LRRC69: variants seen among roughly 807,000 people sequenced by gnomAD.
LRRC69 encodes leucine-rich repeat-containing protein 69.
Under a neutral mutation model 37.8 loss-of-function variants are expected in LRRC69, and 42 were observed. That is an observed-to-expected ratio of 1.11 (90% CI 0.87 to 1.44). LRRC69 has a LOEUF of 1.44. LRRC69 is among the 40% of genes most tolerant of loss of function. The probability of loss-of-function intolerance (pLI) is 0.00; values close to 1 mark genes in which losing one functional copy is unlikely to be tolerated. For missense variants in LRRC69, 357 were observed against 401.9 expected (o/e 0.89, Z 0.96); for synonymous variants, 141 against 143.1 (o/e 0.99, Z 0.11).
intron 1 of LRRC69, among the ~76,000 whole-genome samples, chr8:91,121,772 A>AATTGC (rs1813626253): frequency 6.6e-6 from 1 of 152,088 alleles, no homozygotes; most frequent in African/African-American, 2.4e-5. Context: ...AATATTTTTT[A>AATTGC]ATGAGTGAAT....
At chr8:91,185,280 G>C (rs1368488454) in intron 5 of LRRC69, among the ~76,000 whole-genome samples, 1 of 152,110 alleles carries the variant, frequency 6.6e-6, no homozygotes. Context: ...TGGGCTTGGG[G>C]GCCTTCATCT....
At chr8:91,105,981 G>C (rs558818106) in intron 1 of LRRC69, among the ~76,000 whole-genome samples, 15 of 152,014 alleles carry the variant, frequency 9.9e-5, no homozygotes, top group Admixed American at 4.6e-4. Context: ...AAAATAGGGC[G>C]TGAGGCGGTG....
intron 5 of LRRC69, among the ~76,000 whole-genome samples, chr8:91,150,384 C>T (rs1422941224): frequency 2.0e-5 from 3 of 151,928 alleles, no homozygotes; most frequent in East Asian, 1.9e-4. Context: ...TGCTGGATTA[C>T]GTTTATTGAT....
chr8:91,202,533 G>A (rs1342037014), intron 7 of LRRC69, among the ~76,000 whole-genome samples: 1 of 152,178 alleles, frequency 6.6e-6, no homozygotes, highest in East Asian at 1.9e-4. Flanking sequence ...CACCTCAAAG[G>A]TAAAGAAGGT....
chr8:91,188,835 G>GT (rs575348391), intron 5 of LRRC69, among the ~76,000 whole-genome samples: 2,551 of 139,054 alleles, frequency 0.018, 25 homozygotes, highest in East Asian at 0.086. Flanking sequence ...TCCGTCTTCT[G>GT]TTTTTTTTTT....
At chr8:91,105,664 A>AC (rs1403475059) in intron 1 of LRRC69, among the ~76,000 whole-genome samples, 1 of 151,276 alleles carries the variant, frequency 6.6e-6, no homozygotes, top group Non-Finnish European at 1.5e-5. Context: ...TGTCTCAAAA[A>AC]AAAAAAAAAA....
intron 7 of LRRC69, among the ~76,000 whole-genome samples, chr8:91,214,335 T>A (rs983940415): frequency 1.1e-4 from 16 of 152,158 alleles, no homozygotes; most frequent in Non-Finnish European, 1.8e-4. Context: ...ATAATTCAAG[T>A]GAATACGTTT....
intron 7 of LRRC69, among the ~76,000 whole-genome samples, chr8:91,214,893 C>T (rs907908033): frequency 1.3e-5 from 2 of 151,750 alleles, no homozygotes; most frequent in African/African-American, 4.8e-5. Context: ...GGCTGGGTTT[C>T]CATCTGGAGG....
chr8:91,170,304 T>G (rs367697154), intron 5 of LRRC69, among the ~76,000 whole-genome samples: 1 of 148,466 alleles, frequency 6.7e-6, no homozygotes, highest in Non-Finnish European at 1.5e-5. Context: ...ATGTGTTTTT[T>G]GCTGCATAAA....
chr8:91,209,256 G>A (rs1809860815), intron 7 of LRRC69, among the ~76,000 whole-genome samples: 1 of 151,414 alleles, frequency 6.6e-6, no homozygotes, highest in African/African-American at 2.4e-5. Flanking sequence ...GTGAAACCTC[G>A]TCTCTACTAA....
At chr8:91,121,836 G>A (rs752604537) in intron 1 of LRRC69, among the ~76,000 whole-genome samples, 15 of 151,982 alleles carry the variant, frequency 9.9e-5, no homozygotes, top group African/African-American at 3.6e-4. Context: ...TAGAATATGT[G>A]CAGTTTAGAC....
At chr8:91,126,572 G>T (rs1315739470) in intron 2 of LRRC69, among the ~76,000 whole-genome samples, 6 of 151,976 alleles carry the variant, frequency 3.9e-5, no homozygotes, top group African/African-American at 1.4e-4. Flanking sequence ...GACATGGCAT[G>T]GGATTATCAT....
intron 7 of LRRC69, among the ~76,000 whole-genome samples, chr8:91,207,108 C>T (rs574648023): frequency 1.3e-5 from 2 of 152,086 alleles, no homozygotes; most frequent in East Asian, 3.9e-4. Context: ...AATACAGAAC[C>T]CTGATCCTTG....
intron 5 of LRRC69, among the ~76,000 whole-genome samples, chr8:91,144,056 ATAATT>A (rs1288765091): frequency 6.6e-6 from 1 of 152,028 alleles, no homozygotes; most frequent in Non-Finnish European, 1.5e-5. Flanking sequence ...GAATGAATGA[ATAATT>A]AAATGAGATA....
chr8:91,117,633 T>A (rs1297286630), intron 1 of LRRC69, among the ~76,000 whole-genome samples: 1 of 149,806 alleles, frequency 6.7e-6, no homozygotes, highest in Non-Finnish European at 1.5e-5. Flanking sequence ...TGAATTCAAT[T>A]GCACAAGTCC....
chr8:91,113,121 A>T (rs566305233), intron 1 of LRRC69, among the ~76,000 whole-genome samples: 1 of 152,174 alleles, frequency 6.6e-6, no homozygotes, highest in South Asian at 2.1e-4. Flanking sequence ...AATTAATATT[A>T]TTAAAATGTC....
intron 5 of LRRC69, among the ~76,000 whole-genome samples, chr8:91,151,885 C>G (rs960166155): frequency 6.6e-6 from 1 of 151,682 alleles, no homozygotes; most frequent in Non-Finnish European, 1.5e-5. Flanking sequence ...TTGCATTTCT[C>G]TAATGATCAG....
At chr8:91,180,403 C>T (rs1228693236) in intron 5 of LRRC69, among the ~76,000 whole-genome samples, 6 of 152,166 alleles carry the variant, frequency 3.9e-5, no homozygotes, top group Admixed American at 1.3e-4. Context: ...TGGCTTCCCC[C>T]AGAGTAAGTG....
At chr8:91,179,885 C>T (rs1029563144) in intron 5 of LRRC69, among the ~76,000 whole-genome samples, 3 of 152,086 alleles carry the variant, frequency 2.0e-5, no homozygotes, top group Non-Finnish European at 2.9e-5. Context: ...AATGAAACGT[C>T]GTATGTGTAG....
Sources: gnomAD v4.1 joint callset for allele counts (sites outside exome capture counted in the v4.1 genomes callset) on GRCh38, gnomAD v4.1.1 for gene constraint, MANE v1.5 for transcripts, NCBI Gene and HGNC (gene_info 2026-07-23, HGNC 2026-07-21) for gene names.